STXBP6: variants seen among roughly 807,000 people sequenced by gnomAD.
The protein encoded by STXBP6 is syntaxin binding protein 6, also known as syntaxin-binding protein 6.
STXBP6 carries 21 observed loss-of-function variants against 26.9 expected under a neutral mutation model. The observed-to-expected ratio is 0.78, with a 90% confidence interval of 0.55 to 1.12. The LOEUF is 1.12. STXBP6 is among the 50% of genes most tolerant of loss of function. The pLI, the probability that STXBP6 is intolerant of heterozygous loss-of-function variation, is 0.00. For missense variants in STXBP6, 232 were observed against 257.9 expected (o/e 0.90, Z 0.69); for synonymous variants, 97 against 92.6 (o/e 1.05, Z -0.27).
intron 1 of STXBP6, among the ~76,000 whole-genome samples, chr14:25,045,875 T>C (rs2075719542): frequency 1.3e-5 from 2 of 152,176 alleles, no homozygotes; most frequent in African/African-American, 4.8e-5. Context: ...CCCAAAGCGC[T>C]GGGATTACAG....
chr14:24,954,971 C>A (rs1439840862), intron 2 of STXBP6, among the ~76,000 whole-genome samples: 1 of 152,144 alleles, frequency 6.6e-6, no homozygotes, highest in Non-Finnish European at 1.5e-5. Context: ...TCTGTCTTCG[C>A]ATCTGAAGAA....
At chr14:25,041,058 A>C (rs2075634415) in intron 1 of STXBP6, among the ~76,000 whole-genome samples, 1 of 152,208 alleles carries the variant, frequency 6.6e-6, no homozygotes, top group South Asian at 2.1e-4. Context: ...GCGGTGGCTC[A>C]CGCCTGTAAT....
In STXBP6 at chr14:25,032,514, G is replaced by A. The variant is rs576258847; in HGVS notation, c.-33+17364C>T. On this transcript the variant is annotated intron_variant, in intron 1 of 5. Coordinates refer to ENST00000323944, the MANE Select transcript of STXBP6 (RefSeq NM_001394410.1). The stretch of plus-strand genomic sequence containing the variant: ...GATTCAATCACTTTATGGAAGGATC[G>A]AGTGGAAAAAAGAAACACAGGCATT... Among the ~76,000 whole-genome samples the A allele has an allele frequency of 1.1e-4, 16 of 152,260 alleles. No individual in the cohort carries two copies. In the South Asian group the frequency reaches 2.1e-3, roughly 20 times the overall value.
chr14:24,810,250 C>T lies in STXBP6; in HGVS notation c.*2459G>A, dbSNP rs1030356183. On this transcript the variant is annotated 3_prime_UTR_variant, in exon 6 of 6. Transcript: ENST00000323944. ...CAAATGAAATGTCTTCTGACAAGCT[C>T]AACCAAACTGGTCCCAAATCATGAC... 3.9e-5 allele frequency: 6 copies of T among 152,208 alleles called. No homozygotes were observed. Among genetic ancestry groups the T allele is most frequent in the African/African-American group, 1.4e-4 (6 of 41,442 alleles). The allele number at this position is 152,208 out of a possible 1,614,324, so 9.4% of individuals were successfully genotyped here.
intron 1 of STXBP6, among the ~76,000 whole-genome samples, chr14:25,031,443 G>A (rs1183476302): frequency 6.6e-6 from 1 of 152,028 alleles, no homozygotes; most frequent in African/African-American, 2.4e-5. Context: ...ATGACAAAGG[G>A]GTTAGATATC....
At chr14:24,968,178 T>TAC (rs1311962440) in intron 2 of STXBP6, among the ~76,000 whole-genome samples, 1 of 148,124 alleles carries the variant, frequency 6.8e-6, no homozygotes, top group African/African-American at 2.5e-5. Context: ...AGAATATATA[T>TAC]ATATATATAT....
chr14:24,836,397 G>T (rs1389181353), intron 4 of STXBP6, among the ~76,000 whole-genome samples: 2 of 152,044 alleles, frequency 1.3e-5, no homozygotes, highest in Admixed American at 1.3e-4. Flanking sequence ...AGCAGCTCGA[G>T]ACCAGTCTGG....
At chr14:24,990,740 C>T (rs1307338601) in intron 1 of STXBP6, among the ~76,000 whole-genome samples, 1 of 150,506 alleles carries the variant, frequency 6.6e-6, no homozygotes, top group Non-Finnish European at 1.5e-5. Context: ...GGAGCTGAAG[C>T]TTTAAGGTCA....
At chr14:24,902,943 A>G (rs986202854) in intron 2 of STXBP6, among the ~76,000 whole-genome samples, 1 of 152,206 alleles carries the variant, frequency 6.6e-6, no homozygotes, top group South Asian at 2.1e-4. Context: ...ACCAAGGACT[A>G]TAATGAGTTA....
At chr14:24,976,117 T>C (rs1343678342) in intron 1 of STXBP6, among the ~76,000 whole-genome samples, 1 of 152,158 alleles carries the variant, frequency 6.6e-6, no homozygotes, top group Non-Finnish European at 1.5e-5. Context: ...GTATTAGAGA[T>C]ACAATAAATA....
intron 1 of STXBP6, among the ~76,000 whole-genome samples, chr14:25,009,869 G>A (rs759157550): frequency 1.6e-4 from 24 of 152,198 alleles, no homozygotes; most frequent in African/African-American, 5.5e-4. Flanking sequence ...TTTCTAGAGT[G>A]AGTGGCACTC....
chr14:24,857,205 T>C, intron 2 of STXBP6, 48 bp from the exon 3 acceptor site: 1 of 1,610,244 alleles, frequency 6.2e-7, no homozygotes, highest in Non-Finnish European at 8.5e-7. Flanking sequence ...AGTTGGTGGT[T>C]TGTTTCCACA....
chr14:24,907,791 C>T (rs945739748), intron 2 of STXBP6, among the ~76,000 whole-genome samples: 3 of 147,206 alleles, frequency 2.0e-5, no homozygotes, highest in African/African-American at 7.5e-5. Flanking sequence ...GTTTTTTTTC[C>T]TTTTTTTTTT....
intron 2 of STXBP6, among the ~76,000 whole-genome samples, chr14:24,927,837 C>A (rs1208639832): frequency 1.3e-5 from 2 of 152,154 alleles, no homozygotes; most frequent in African/African-American, 4.8e-5. Flanking sequence ...TTTCTCAAAC[C>A]TTTATACTTG....
chr14:24,864,734 ATTAC>A (rs1413529783), intron 2 of STXBP6, among the ~76,000 whole-genome samples: 1 of 152,174 alleles, frequency 6.6e-6, no homozygotes, highest in African/African-American at 2.4e-5. Flanking sequence ...CAAAGCTGTT[ATTAC>A]TTGGCAAGCA....
chr14:24,892,699 T>C (rs1188158782), intron 2 of STXBP6, among the ~76,000 whole-genome samples: 1 of 152,120 alleles, frequency 6.6e-6, no homozygotes, highest in Non-Finnish European at 1.5e-5. Flanking sequence ...CAGCACTGAG[T>C]TGCAATCCTC....
chr14:24,882,858 C>T (rs577915884), intron 2 of STXBP6, among the ~76,000 whole-genome samples: 31 of 152,252 alleles, frequency 2.0e-4, no homozygotes, highest in African/African-American at 6.5e-4. Flanking sequence ...TAAAAGCTGG[C>T]AACACTTTTG....
At chr14:24,926,949 T>A (rs75088285) in intron 2 of STXBP6, among the ~76,000 whole-genome samples, 3 of 147,100 alleles carry the variant, frequency 2.0e-5, no homozygotes, top group East Asian at 2.0e-4. Flanking sequence ...AAAAAAAAAA[T>A]AAAGTTAATA....
At chr14:24,891,727 A>G (rs1183185083) in intron 2 of STXBP6, among the ~76,000 whole-genome samples, 1 of 152,228 alleles carries the variant, frequency 6.6e-6, no homozygotes, top group Non-Finnish European at 1.5e-5. Context: ...GATTTGTTCA[A>G]TACATACATA....
Sources: allele counts gnomAD v4.1 joint callset (sites outside exome capture counted in the v4.1 genomes callset), GRCh38; gene constraint gnomAD v4.1.1; transcripts MANE v1.5; gene names NCBI Gene and HGNC (gene_info 2026-07-23, HGNC 2026-07-21).